Variants in MCOLN2 observed in about 807,000 individuals in gnomAD.
MCOLN2 encodes mucolipin-2.
A neutral mutation model predicts 67.5 loss-of-function variants in MCOLN2; 57 were observed. The ratio of observed to expected loss-of-function variants is 0.84; its 90% CI spans 0.68 to 1.05. The LOEUF (loss-of-function observed/expected upper bound fraction) is 1.05. Among genes scored for constraint, MCOLN2 ranks in the 50% least tolerant of loss-of-function variants. The pLI is 0.00. For missense variants in MCOLN2, 620 were observed against 678.8 expected (o/e 0.91, Z 0.96); for synonymous variants, 246 against 233.3 (o/e 1.05, Z -0.50).
chr1:84,937,769 G>A lies in MCOLN2; in HGVS notation c.1321C>T (p.Pro441Ser). The change falls in exon 11 of 14, where the codon CCA becomes TCA. Residue 441 changes from proline to serine, a missense_variant. Coordinates refer to ENST00000370608, the MANE Select transcript of MCOLN2 (RefSeq NM_153259.4). ...YTFCGWIVLGPYHDKFENLNT... is the reference protein window; with the variant it reads ...YTFCGWIVLGSYHDKFENLNT... ...GAGCTACACACCTTGTCATGGTATG[G>A]TCCTAAGACAATCCAGCCACAGAAT... 1 of 1,614,154 alleles carries A rather than the reference G, an allele frequency of 6.2e-7. No homozygotes were observed. Among genetic ancestry groups the A allele is most frequent in the Non-Finnish European group, 8.5e-7 (1 of 1,180,022 alleles).
chr1:84,962,881 G>A (rs1319396534), intron 2 of MCOLN2, among the ~76,000 whole-genome samples: 2 of 152,188 alleles, frequency 1.3e-5, no homozygotes, highest in Non-Finnish European at 1.5e-5. Context: ...TTCTGAACAG[G>A]AGAGTGACAC....
In MCOLN2 at chr1:84,931,406, T is replaced by G. The variant is rs1357924549; in HGVS notation, c.1498A>C (p.Ser500Arg). The G allele has an allele frequency of 5.0e-6, 8 of 1,597,466 alleles. No homozygotes were observed. Among genetic ancestry groups the G allele is most frequent in the African/African-American group, 1.3e-5 (1 of 74,634 alleles). Residue 500 changes from serine (S) to arginine (R), a missense_variant, in exon 12 of 14, where the codon AGT (serine) becomes CGT (arginine). Coordinates refer to ENST00000370608, the MANE Select transcript of MCOLN2 (RefSeq NM_153259.4). ...TCTGTAATAAGTGCAATAAAAAGAC[T>G]GAGAATCATATATATAAAAAGGCTG... Reference protein sequence around the residue: ...FISLFIYMILSLFIALITDSY... With the variant: ...FISLFIYMILRLFIALITDSY...
intron 1 of MCOLN2, among the ~76,000 whole-genome samples, chr1:84,991,666 CT>C (rs1650895810): frequency 6.6e-6 from 1 of 152,134 alleles, no homozygotes; most frequent in South Asian, 2.1e-4. Context: ...CATGCTAACC[CT>C]TCAGGAGTTT....
chr1:84,932,439 C>T (rs1647226138), intron 11 of MCOLN2, among the ~76,000 whole-genome samples: 1 of 152,250 alleles, frequency 6.6e-6, no homozygotes, highest in South Asian at 2.1e-4. Flanking sequence ...TCTCGAACTC[C>T]TGGCCTCAGG....
intron 11 of MCOLN2, among the ~76,000 whole-genome samples, chr1:84,935,639 T>C (rs1358751989): frequency 3.3e-5 from 5 of 152,350 alleles, no homozygotes; most frequent in Admixed American, 1.3e-4. Context: ...TTAAAATATA[T>C]AATTAAAAAT....
chr1:84,958,060 C>G (rs953897141), intron 3 of MCOLN2, among the ~76,000 whole-genome samples: 2 of 152,076 alleles, frequency 1.3e-5, no homozygotes, highest in Non-Finnish European at 2.9e-5. Flanking sequence ...CAATTAAGGC[C>G]ACAGAATCCC....
At chr1:84,991,002 CA>C (rs1168269735) in intron 1 of MCOLN2, among the ~76,000 whole-genome samples, 2 of 151,678 alleles carry the variant, frequency 1.3e-5, no homozygotes, top group South Asian at 2.1e-4. Flanking sequence ...GTGAGCCAGC[CA>C]AAAAAGCCTC....
chr1:84,933,300 C>A (rs1014417991), intron 11 of MCOLN2, among the ~76,000 whole-genome samples: 9 of 152,082 alleles, frequency 5.9e-5, no homozygotes, highest in African/African-American at 2.2e-4. Context: ...AAACACCGTG[C>A]CTTACACTAC....
intron 13 of MCOLN2, among the ~76,000 whole-genome samples, chr1:84,928,133 G>A (rs551458322): frequency 6.6e-6 from 1 of 152,206 alleles, no homozygotes; most frequent in African/African-American, 2.4e-5. Flanking sequence ...CAGGACCATC[G>A]TTTGGCCAAA....
intron 11 of MCOLN2, 200 bp downstream of exon 11, chr1:84,937,555 A>T: frequency 7.5e-7 from 1 of 1,337,268 alleles, no homozygotes; most frequent in Non-Finnish European, 9.6e-7. Context: ...CTAGTATTGT[A>T]CAGTTCTTGT....
intron 9 of MCOLN2, among the ~76,000 whole-genome samples, chr1:84,938,806 G>C (rs1198235063): frequency 6.6e-6 from 1 of 152,194 alleles, no homozygotes; most frequent in Non-Finnish European, 1.5e-5. Flanking sequence ...TGCTGAGGGA[G>C]GCCACTTCAT....
chr1:84,990,213 G>A (rs1279564283), intron 1 of MCOLN2, among the ~76,000 whole-genome samples: 7 of 142,874 alleles, frequency 4.9e-5, no homozygotes, highest in South Asian at 4.4e-4. Flanking sequence ...CAGGAGAATC[G>A]CTTGAACCTG....
At chr1:84,954,562 C>T (rs1246069856) in intron 4 of MCOLN2, among the ~76,000 whole-genome samples, 1 of 152,176 alleles carries the variant, frequency 6.6e-6, no homozygotes, top group Non-Finnish European at 1.5e-5. Flanking sequence ...CAAACCAAGG[C>T]CCAGAGAGGC....
chr1:84,986,989 T>C (rs1266159181), intron 1 of MCOLN2, among the ~76,000 whole-genome samples: 1 of 151,948 alleles, frequency 6.6e-6, no homozygotes, highest in African/African-American at 2.4e-5. Context: ...GGACTAAAAG[T>C]AGAACTACTA....
intron 7 of MCOLN2, among the ~76,000 whole-genome samples, chr1:84,944,900 TC>T (rs1483187714): frequency 1.3e-5 from 2 of 152,190 alleles, no homozygotes; most frequent in Non-Finnish European, 2.9e-5. Context: ...GCCAAGGCAA[TC>T]TCAATCCACC....
chr1:84,990,551 T>C (rs561181474), intron 1 of MCOLN2, among the ~76,000 whole-genome samples: 1 of 152,176 alleles, frequency 6.6e-6, no homozygotes, highest in African/African-American at 2.4e-5. Flanking sequence ...TGCACTGACT[T>C]GAAGATGTCT....
rs1200283191 is a variant in MCOLN2, at chr1:84,938,023, C to T, written c.1170G>A (p.Trp390Ter). 6.2e-7 allele frequency: 1 copy of T among 1,613,880 alleles called. No homozygotes were observed. Among genetic ancestry groups the T allele is most frequent in the Non-Finnish European group, 8.5e-7 (1 of 1,179,990 alleles). The part of the protein sequence containing the change: ...IFLGTSTLLV[W>*]VGVIRYLGYF... ...AACCCAGGTATCTGATGACTCCAAC[C>T]CAAACCAAGAGCGTAGAGGTTCCAA... The change falls in exon 10 of 14, where the codon TGG (tryptophan) becomes TGA (stop). Residue 390 changes from tryptophan to a stop codon, truncating the protein, a stop_gained. Coordinates refer to ENST00000370608, the MANE Select transcript of MCOLN2 (RefSeq NM_153259.4). LOFTEE classifies it high-confidence loss of function.
At chr1:84,941,324 G>A (rs1162368665) in intron 7 of MCOLN2, among the ~76,000 whole-genome samples, 4 of 152,018 alleles carry the variant, frequency 2.6e-5, no homozygotes, top group East Asian at 3.9e-4. Flanking sequence ...GTGAAACCCC[G>A]TCTGTACTAA....
At chr1:84,994,998 C>T (rs867125221) in intron 1 of MCOLN2, among the ~76,000 whole-genome samples, 2 of 152,040 alleles carry the variant, frequency 1.3e-5, no homozygotes, top group Non-Finnish European at 2.9e-5. Flanking sequence ...ATTGTGGTGT[C>T]TCAGGGAATA....
Sources: allele counts gnomAD v4.1 joint callset (sites outside exome capture counted in the v4.1 genomes callset), GRCh38; gene constraint gnomAD v4.1.1; transcripts MANE v1.5; gene names NCBI Gene and HGNC (gene_info 2026-07-23, HGNC 2026-07-21).